The following THSD4 variants were observed in gnomAD, a reference collection of about 807,000 sequenced individuals.
THSD4 encodes the protein thrombospondin type 1 domain containing 4.
In THSD4, 69 loss-of-function variants were observed where a neutral mutation model predicts 119.0. The ratio of observed to expected loss-of-function variants is 0.58; its 90% CI spans 0.48 to 0.71. The LOEUF (loss-of-function observed/expected upper bound fraction) is 0.71, where lower values mean the gene tolerates loss of function less well. THSD4 is among the 30% of genes least tolerant of loss of function. The pLI is 0.00. For synonymous variants in THSD4, 524 were observed against 540.4 expected (o/e 0.97, Z 0.42); for missense variants, 1,393 against 1,391.1 (o/e 1.00, Z -0.02).
intron 7 of THSD4, among the ~76,000 whole-genome samples, chr15:71,457,625 G>C (rs1288601885): frequency 6.6e-6 from 1 of 152,104 alleles, no homozygotes; most frequent in Non-Finnish European, 1.5e-5. Flanking sequence ...TGCCTCAGGG[G>C]CTTGACACTT....
At chr15:71,554,182 T>C (rs1351243639) in intron 7 of THSD4, among the ~76,000 whole-genome samples, 1 of 146,126 alleles carries the variant, frequency 6.8e-6, no homozygotes, top group Non-Finnish European at 1.5e-5. Context: ...CTCCGCCTCC[T>C]GGGTTCACGC....
At chr15:71,194,099 T>C (rs893641667) in intron 3 of THSD4, among the ~76,000 whole-genome samples, 1 of 152,218 alleles carries the variant, frequency 6.6e-6, no homozygotes, top group Admixed American at 6.5e-5. Flanking sequence ...GCCTTTATCC[T>C]TCTGCCATGA....
chr15:71,586,250 C>A (rs1444382783), intron 7 of THSD4, among the ~76,000 whole-genome samples: 1 of 152,098 alleles, frequency 6.6e-6, no homozygotes, highest in Non-Finnish European at 1.5e-5. Flanking sequence ...TCTCTGGGAT[C>A]ATATTCTACT....
At chr15:71,522,876 A>T (rs777984050) in intron 7 of THSD4, among the ~76,000 whole-genome samples, 11 of 152,204 alleles carry the variant, frequency 7.2e-5, no homozygotes, top group Admixed American at 3.3e-4. Flanking sequence ...AGTTCAAAAG[A>T]GGGAGACTTT....
chr15:71,341,864 T>C lies in THSD4; in HGVS notation c.1016-69823T>C, dbSNP rs1216316730. 7 of 617,266 alleles carry C rather than the reference T, an allele frequency of 1.1e-5. No individual in the cohort carries two copies. In the East Asian group the frequency reaches 2.0e-4, roughly 17 times the overall value. The allele number at this position is 617,266 out of a possible 1,614,324, so 38.2% of individuals were successfully genotyped here. ...TACTAGGTTTTTATTATATTTCATC[T>C]AGAATAATGACCTTAATGCTCTAAC... On this transcript the variant is annotated intron_variant, in intron 6 of 17. Transcript: ENST00000261862.
intron 7 of THSD4, among the ~76,000 whole-genome samples, chr15:71,434,513 A>G (rs975529548): frequency 2.3e-5 from 3 of 128,862 alleles, no homozygotes; most frequent in African/African-American, 8.9e-5. Context: ...AGATCTCTTC[A>G]TGTAGTATTG....
chr15:71,606,622 C>T (rs966338005), intron 7 of THSD4, among the ~76,000 whole-genome samples: 1 of 152,166 alleles, frequency 6.6e-6, no homozygotes. Context: ...CTCACCGCAA[C>T]CTCCACCTCC....
At chr15:71,286,532 A>C (rs1343572736) in intron 6 of THSD4, among the ~76,000 whole-genome samples, 1 of 152,174 alleles carries the variant, frequency 6.6e-6, no homozygotes, top group Non-Finnish European at 1.5e-5. Flanking sequence ...TGTATGTACC[A>C]CATTTTCTTT....
rs1177789487 is a variant in THSD4 at position 71,358,262 on chromosome 15, CTT to C, written c.1016-53419_1016-53418del. The stretch of plus-strand genomic sequence containing the variant: ...GTTCCTTAACATTCTGCCCTGGCCT[CTT>C]TTTTTGATGGTTTAATTGAGAGTTC... On this transcript the variant is annotated intron_variant, in intron 6 of 17. Transcript: ENST00000261862. Among the ~76,000 whole-genome samples the C allele has an allele frequency of 3.9e-5, 6 of 151,984 alleles. No homozygotes were observed. In the East Asian group the frequency reaches 9.7e-4, roughly 24 times the overall value.
At chr15:71,761,661 C>T (rs991087067) in intron 15 of THSD4, among the ~76,000 whole-genome samples, 9 of 152,156 alleles carry the variant, frequency 5.9e-5, no homozygotes, top group Non-Finnish European at 1.3e-4. Flanking sequence ...TTAGTAATAA[C>T]GGCTTTTATT....
intron 7 of THSD4, among the ~76,000 whole-genome samples, chr15:71,587,800 G>GAAAAAAAAAAAAAAAAAAC (rs1555429620): frequency 5.1e-5 from 2 of 39,142 alleles, no homozygotes; most frequent in Admixed American, 3.8e-4. Flanking sequence ...AAAAAAAAAA[G>GAAAAAAAAAAAAAAAAAAC]AAAAAAAAAA....
rs1181195816 is a variant in THSD4, at chr15:71,747,043, G to C, written c.2241+1G>C. On this transcript the variant is annotated splice_donor_variant, in intron 13 of 17. Coordinates refer to ENST00000261862, the MANE Select transcript of THSD4 (RefSeq NM_024817.3). LOFTEE classifies it high-confidence loss of function. Reference sequence around the variant, plus strand: ...GCAGATCCGGACCGACTGGACCTCGGTACGCAGGCAGGGCAGCCCGCTCTG... The same window carrying C: ...GCAGATCCGGACCGACTGGACCTCGCTACGCAGGCAGGGCAGCCCGCTCTG... 6.2e-7 allele frequency: 1 copy of C among 1,601,034 alleles called. No homozygotes were observed. The highest frequency in any genetic ancestry group is 1.1e-5 in the South Asian group (1 of 89,494).
chr15:71,111,424 T>C (rs775752177), upstream of THSD4: 6 of 1,601,710 alleles, frequency 3.7e-6, no homozygotes, highest in Non-Finnish European at 4.3e-6. Flanking sequence ...CATTCCAGAG[T>C]TCCTGGAGGA....
chr15:71,115,259 C>T (rs2141348288), upstream of THSD4: 1 of 152,738 alleles, frequency 6.5e-6, no homozygotes, highest in East Asian at 1.9e-4. This position sits in a 1 kb window ranked among gnomAD's most constrained non-coding sequence, Gnocchi z 4.4. Flanking sequence ...TGGCCTCTGT[C>T]TAGACCGTAC....
chr15:71,741,110 T>C (rs2053225434), intron 11 of THSD4, among the ~76,000 whole-genome samples: 1 of 152,212 alleles, frequency 6.6e-6, no homozygotes, highest in South Asian at 2.1e-4. Flanking sequence ...TTTTACATCT[T>C]TATTGTATCC....
chr15:71,257,399 C>T (rs1234929271), intron 6 of THSD4, among the ~76,000 whole-genome samples: 2 of 152,070 alleles, frequency 1.3e-5, no homozygotes, highest in East Asian at 3.9e-4. Context: ...TTGGGTCAAG[C>T]AGAATTTGTG....
intron 6 of THSD4, among the ~76,000 whole-genome samples, chr15:71,399,368 C>A (rs1008847343): frequency 2.0e-5 from 3 of 152,174 alleles, no homozygotes; most frequent in African/African-American, 7.2e-5. Context: ...AAGCCAGTTA[C>A]ATCCTAATGC....
At chr15:71,614,295 T>C (rs1482672419) in intron 7 of THSD4, among the ~76,000 whole-genome samples, 1 of 152,220 alleles carries the variant, frequency 6.6e-6, no homozygotes, top group Non-Finnish European at 1.5e-5. Context: ...ACCATTACTC[T>C]TGAGGACACT....
At chr15:71,316,732 C>G (rs2045191530) in intron 6 of THSD4, among the ~76,000 whole-genome samples, 2 of 152,124 alleles carry the variant, frequency 1.3e-5, no homozygotes, top group Admixed American at 6.5e-5. Context: ...GGCTGGGCCC[C>G]CAACAAGCAG....
Sources: gnomAD v4.1 joint callset for allele counts (sites outside exome capture counted in the v4.1 genomes callset) on GRCh38, gnomAD v4.1.1 for gene constraint, Gnocchi (gnomAD v3.1) non-coding constraint, MANE v1.5 for transcripts, NCBI Gene and HGNC (gene_info 2026-07-23, HGNC 2026-07-21) for gene names.